Variants in HIP1 observed in about 807,000 individuals in gnomAD.
The protein encoded by HIP1 is huntingtin-interacting protein 1.
HIP1 carries 65 observed loss-of-function variants against 147.6 expected under a neutral mutation model. The ratio of observed to expected loss-of-function variants is 0.44; its 90% CI spans 0.36 to 0.54. The LOEUF (loss-of-function observed/expected upper bound fraction) is 0.54. HIP1 is among the 20% of genes least tolerant of loss of function. The probability of loss-of-function intolerance (pLI) is 0.00; values close to 1 mark genes in which losing one functional copy is unlikely to be tolerated. For missense variants in HIP1, 1,061 were observed against 1,299.6 expected, an observed-to-expected ratio of 0.82 and a Z score of 2.82; for synonymous variants, 479 against 504.0, an observed-to-expected ratio of 0.95 and a Z score of 0.67.
chr7:75,556,636 C>G, intron 17 of HIP1, 74 bp downstream of exon 17: 1 of 942,944 alleles, frequency 1.1e-6, no homozygotes, highest in South Asian at 1.3e-5. Flanking sequence ...CAGTGAGCTG[C>G]GATCGCACCA....
At chr7:75,662,663 G>A (rs931671585) in intron 1 of HIP1, among the ~76,000 whole-genome samples, 3 of 151,988 alleles carry the variant, frequency 2.0e-5, no homozygotes, top group Admixed American at 6.6e-5. Flanking sequence ...ACACTACCAT[G>A]CCTGGCTAAT....
chr7:75,560,109 C>T (rs1015845411), intron 13 of HIP1, among the ~76,000 whole-genome samples, 194 bp from the exon 14 acceptor site: 12 of 152,254 alleles, frequency 7.9e-5, no homozygotes, highest in Admixed American at 1.3e-4. Flanking sequence ...GGATGATGGC[C>T]GGGGAATTGT....
intron 1 of HIP1, among the ~76,000 whole-genome samples, chr7:75,611,145 C>T (rs1202727593): frequency 4.0e-5 from 6 of 151,152 alleles, no homozygotes; most frequent in African/African-American, 1.2e-4. Flanking sequence ...TCTTGAACTG[C>T]GCCTGTTCTA....
At chr7:75,640,572 C>G (rs1431113081) in intron 1 of HIP1, among the ~76,000 whole-genome samples, 4 of 151,760 alleles carry the variant, frequency 2.6e-5, no homozygotes, top group Non-Finnish European at 5.9e-5. Flanking sequence ...GCCAAAATGA[C>G]GAAACTCCCG....
chr7:75,546,984 G>C lies in HIP1; in HGVS notation c.2514C>G (p.Ile838Met). Residue 838 changes from isoleucine (I) to methionine (M), a missense_variant, in exon 25 of 31, where the codon ATC becomes ATG. Transcript: ENST00000336926. ...TSLMQAIQVLIVASKDLQREI... is the reference protein window; with the variant it reads ...TSLMQAIQVLMVASKDLQREI... ...CTCTCTGGAGGTCCTTAGAGGCCACGATGAGCACCTGAATAGCTTGCATGA... is the reference window on the plus strand; with the variant it reads ...CTCTCTGGAGGTCCTTAGAGGCCACCATGAGCACCTGAATAGCTTGCATGA... 1 of 1,587,594 alleles carries C rather than the reference G, an allele frequency of 6.3e-7. No individual in the cohort carries two copies. The highest frequency in any genetic ancestry group is 8.6e-7 in the Non-Finnish European group (1 of 1,166,042).
At chr7:75,585,824 T>C (rs587648899) in intron 5 of HIP1, among the ~76,000 whole-genome samples, 1 of 151,978 alleles carries the variant, frequency 6.6e-6, no homozygotes, top group African/African-American at 2.4e-5. Context: ...TCTTCTCTCT[T>C]TTTTCTGTGA....
intron 8 of HIP1, among the ~76,000 whole-genome samples, chr7:75,571,102 G>A (rs957495734): frequency 3.3e-5 from 5 of 151,868 alleles, no homozygotes; most frequent in African/African-American, 7.3e-5. Context: ...GGCAGTGTGG[G>A]TCTTGGGTAT....
intron 7 of HIP1, among the ~76,000 whole-genome samples, chr7:75,579,800 C>A (rs781783368): frequency 4.6e-5 from 7 of 152,174 alleles, no homozygotes; most frequent in Non-Finnish European, 4.4e-5. Flanking sequence ...GTGGGTCCTG[C>A]CTGTCCACAT....
At chr7:75,549,295 A>G (rs1554491679) in intron 22 of HIP1, among the ~76,000 whole-genome samples, 1 of 151,862 alleles carries the variant, frequency 6.6e-6, no homozygotes, top group South Asian at 2.1e-4. Flanking sequence ...TTAGTTGTGC[A>G]GTGTCAATTG....
chr7:75,599,820 C>T (rs1329563665), intron 1 of HIP1, among the ~76,000 whole-genome samples: 24 of 150,160 alleles, frequency 1.6e-4, no homozygotes, highest in Non-Finnish European at 5.9e-5. Flanking sequence ...CCCTCTCAAT[C>T]GTTTTTAAAA....
At chr7:75,618,075 C>A (rs1797728827) in intron 1 of HIP1, among the ~76,000 whole-genome samples, 1 of 152,234 alleles carries the variant, frequency 6.6e-6, no homozygotes, top group Non-Finnish European at 1.5e-5. Flanking sequence ...GCTGCGCCCT[C>A]CCCACAAACC....
intron 1 of HIP1, among the ~76,000 whole-genome samples, chr7:75,679,702 G>C (rs1231301061): frequency 1.3e-5 from 2 of 151,654 alleles, no homozygotes; most frequent in East Asian, 1.9e-4. Flanking sequence ...TTCTCAACCT[G>C]TATGTTAAAT....
intron 2 of HIP1, among the ~76,000 whole-genome samples, chr7:75,598,585 G>T (rs141022855): frequency 3.6e-4 from 55 of 152,044 alleles, no homozygotes; most frequent in African/African-American, 1.3e-3. Flanking sequence ...TCTCTCAAAG[G>T]AAAGTAACTT....
intron 1 of HIP1, 27 bp downstream of exon 1, chr7:75,738,774 G>A: frequency 6.3e-7 from 1 of 1,595,338 alleles, no homozygotes; most frequent in Non-Finnish European, 8.5e-7. Context: ...GGTGCCCCAG[G>A]GATGCCCCGG....
At chr7:75,632,236 G>C (rs1287571834) in intron 1 of HIP1, among the ~76,000 whole-genome samples, 2 of 152,042 alleles carry the variant, frequency 1.3e-5, no homozygotes, top group African/African-American at 4.8e-5. Context: ...GCCATCCTCA[G>C]CCCTGGATCC....
At chr7:75,702,060 G>A (rs1435916860) in intron 1 of HIP1, among the ~76,000 whole-genome samples, 1 of 151,336 alleles carries the variant, frequency 6.6e-6, no homozygotes, top group Non-Finnish European at 1.5e-5. Flanking sequence ...CTCCCAAGTA[G>A]CTGGGACTAC....
intron 24 of HIP1, 23 bp from the exon 25 acceptor site, chr7:75,547,055 A>G (rs1794593956): frequency 6.5e-7 from 1 of 1,531,490 alleles, no homozygotes; most frequent in Admixed American, 1.9e-5. Context: ...CAAGTCGAGG[A>G]TACACTGAGA....
chr7:75,614,922 A>G (rs1209690883), intron 1 of HIP1, among the ~76,000 whole-genome samples: 1 of 151,908 alleles, frequency 6.6e-6, no homozygotes. Context: ...ACAGGCACCC[A>G]CCACCCCGCC....
intron 8 of HIP1, among the ~76,000 whole-genome samples, chr7:75,572,494 C>T (rs1225261800): frequency 2.6e-5 from 4 of 152,180 alleles, no homozygotes; most frequent in Non-Finnish European, 4.4e-5. Flanking sequence ...GGATGCACGA[C>T]ATACTTGTTG....
Sources: gnomAD v4.1 joint callset for allele counts (sites outside exome capture counted in the v4.1 genomes callset) on GRCh38, gnomAD v4.1.1 for gene constraint, MANE v1.5 for transcripts, NCBI Gene and HGNC (gene_info 2026-07-23, HGNC 2026-07-21) for gene names.